The following NUP205 variants were observed in gnomAD, a reference collection of about 807,000 sequenced individuals.
NUP205 encodes nucleoporin 205.
NUP205 carries 76 observed loss-of-function variants against 253.8 expected under a neutral mutation model. That is an observed-to-expected ratio of 0.30 (90% CI 0.25 to 0.36). The LOEUF is 0.36. Ranked by LOEUF, NUP205 falls within the 10% of genes least tolerant of loss-of-function variation. The pLI is 1.00. For synonymous variants in NUP205, 832 were observed against 850.1 expected, an observed-to-expected ratio of 0.98 and a Z score of 0.37; for missense variants, 2,162 against 2,425.5, an observed-to-expected ratio of 0.89 and a Z score of 2.28.
chr7:135,587,308 T>C (rs538797215), intron 8 of NUP205, among the ~76,000 whole-genome samples: 3 of 152,268 alleles, frequency 2.0e-5, no homozygotes, highest in African/African-American at 7.2e-5. Flanking sequence ...TGCCCAAATG[T>C]CAGTAATGTC....
At chr7:135,594,864 C>T (rs1474304181) in intron 13 of NUP205, 135 bp downstream of exon 13, 10 of 640,310 alleles carry the variant, frequency 1.6e-5, no homozygotes, top group African/African-American at 3.7e-5. Flanking sequence ...GGTTTAGGGA[C>T]TGAGCATAGC....
rs1386368363 is a variant in NUP205, at chr7:135,590,100, A to ATTTT, written c.1474-1349_1474-1346dup. 2.2e-4 allele frequency among the ~76,000 whole-genome samples: 32 copies of ATTTT among 144,998 alleles called. 1 individual carries two copies. The highest frequency in any genetic ancestry group is 4.4e-4 in the Non-Finnish European group (28 of 64,112). The stretch of plus-strand genomic sequence containing the variant: ...TGTTTGCTTCATCTACTATATTATT[A>ATTTT]TTTTATTTATTTATTTATTTATTTA... On this transcript the variant is annotated intron_variant, in intron 10 of 42. Coordinates refer to ENST00000285968, the MANE Select transcript of NUP205 (RefSeq NM_015135.3).
intron 24 of NUP205, 43 bp downstream of exon 24, chr7:135,616,108 C>A: frequency 6.4e-7 from 1 of 1,559,110 alleles, no homozygotes; most frequent in South Asian, 1.2e-5. Flanking sequence ...GACTAGTTGT[C>A]GTGAAGACAA....
intron 36 of NUP205, among the ~76,000 whole-genome samples, chr7:135,637,713 A>G (rs1794835105): frequency 6.6e-6 from 1 of 152,228 alleles, no homozygotes; most frequent in African/African-American, 2.4e-5. Context: ...TGCTTTAAAA[A>G]AAAAGGGTAC....
intron 27 of NUP205, 86 bp from the exon 28 acceptor site, chr7:135,618,326 T>A: frequency 8.8e-7 from 1 of 1,138,912 alleles, no homozygotes; most frequent in African/African-American, 1.5e-5. Flanking sequence ...TGTAGTAGGT[T>A]TCCAAATAAA....
intron 11 of NUP205, among the ~76,000 whole-genome samples, chr7:135,591,849 A>G (rs1401454297): frequency 6.6e-6 from 1 of 152,224 alleles, no homozygotes; most frequent in African/African-American, 2.4e-5. Flanking sequence ...AATCAGAATT[A>G]ATGTATGAAA....
intron 33 of NUP205, among the ~76,000 whole-genome samples, chr7:135,626,934 A>G (rs1794603409): frequency 6.6e-6 from 1 of 152,194 alleles, no homozygotes; most frequent in Admixed American, 6.5e-5. Context: ...TGAGTTTAGT[A>G]ATTGTTTTAA....
At chr7:135,628,688 C>T (rs1216496035) in intron 34 of NUP205, among the ~76,000 whole-genome samples, 1 of 152,152 alleles carries the variant, frequency 6.6e-6, no homozygotes, top group Non-Finnish European at 1.5e-5. Context: ...GTAATTTAGC[C>T]TTTCACTGAT....
intron 24 of NUP205, 54 bp from the exon 25 acceptor site, chr7:135,616,601 G>C (rs970684592): frequency 9.3e-7 from 1 of 1,077,548 alleles, no homozygotes; most frequent in South Asian, 1.6e-5. Flanking sequence ...CAAATAAATA[G>C]TTTTAAGAGT....
chr7:135,601,100 AT>A, intron 16 of NUP205, 131 bp downstream of exon 16: 1 of 605,466 alleles, frequency 1.7e-6, no homozygotes. Context: ...TGTTTTAATC[AT>A]TTTAATTTTT....
At chr7:135,570,032 TATA>T (rs1805900334) in intron 1 of NUP205, among the ~76,000 whole-genome samples, 108 of 51,412 alleles carry the variant, frequency 2.1e-3, no homozygotes, top group Non-Finnish European at 3.0e-3. Context: ...TTATGTTTTA[TATA>T]TATATATATA....
intron 12 of NUP205, among the ~76,000 whole-genome samples, chr7:135,594,183 A>AT (rs1479911443): frequency 6.6e-6 from 1 of 152,058 alleles, no homozygotes; most frequent in African/African-American, 2.4e-5. Context: ...AGGACAAGGT[A>AT]TTTTTTTCAT....
intron 11 of NUP205, among the ~76,000 whole-genome samples, chr7:135,592,444 A>T (rs1050304676): frequency 6.6e-6 from 1 of 152,282 alleles, no homozygotes. Context: ...TTACATTTAC[A>T]TGGGCAGTAG....
intron 38 of NUP205, among the ~76,000 whole-genome samples, chr7:135,641,977 A>G (rs181869352): frequency 2.0e-5 from 3 of 151,638 alleles, no homozygotes; most frequent in East Asian, 3.9e-4. Flanking sequence ...GTGTTGGGCC[A>G]GGTGTGGTGG....
chr7:135,648,595 G>A lies in NUP205; in HGVS notation c.*39G>A. On this transcript the variant is annotated 3_prime_UTR_variant, in exon 43 of 43. Coordinates refer to ENST00000285968, the MANE Select transcript of NUP205 (RefSeq NM_015135.3). ...TGCTCTTCTATGAGAGAGATGAATT[G>A]GGGAGAATTGTCTCCATTTTATAGA... is the stretch of plus-strand genomic sequence containing the variant. 7.2e-7 allele frequency: 1 copy of A among 1,397,136 alleles called. No individual in the cohort carries two copies. Among genetic ancestry groups the A allele is most frequent in the Non-Finnish European group, 9.4e-7 (1 of 1,060,638 alleles). The allele number at this position is 1,397,136 out of a possible 1,614,324, so 86.5% of individuals were successfully genotyped here.
chr7:135,582,210 G>A (rs1806325640), intron 7 of NUP205, among the ~76,000 whole-genome samples: 2 of 151,980 alleles, frequency 1.3e-5, no homozygotes, highest in South Asian at 2.1e-4. Flanking sequence ...GGCTGAAACT[G>A]GGAGGCAGAA....
At chr7:135,608,826 T>A (rs115457889) in intron 22 of NUP205, among the ~76,000 whole-genome samples, 1 of 151,880 alleles carries the variant, frequency 6.6e-6, no homozygotes, top group African/African-American at 2.4e-5. Flanking sequence ...CTTGGCCGCG[T>A]GCAGTGACTC....
intron 10 of NUP205, among the ~76,000 whole-genome samples, chr7:135,591,168 ATG>A (rs1806618499): frequency 6.8e-6 from 1 of 148,060 alleles, no homozygotes; most frequent in African/African-American, 2.7e-5. Context: ...TAAATGTCAC[ATG>A]TCTTATATTT....
intron 1 of NUP205, among the ~76,000 whole-genome samples, chr7:135,568,056 C>T (rs1805835364): frequency 6.6e-6 from 1 of 152,042 alleles, no homozygotes; most frequent in Non-Finnish European, 1.5e-5. Flanking sequence ...GAAGCCCCAT[C>T]TCTAATAAAA....
Sources: gnomAD v4.1 joint callset for allele counts (sites outside exome capture counted in the v4.1 genomes callset) on GRCh38, gnomAD v4.1.1 for gene constraint, MANE v1.5 for transcripts, NCBI Gene and HGNC (gene_info 2026-07-23, HGNC 2026-07-21) for gene names.